The following C1QTNF7 variants were observed in gnomAD, a reference collection of about 807,000 sequenced individuals.
C1QTNF7 encodes the protein complement C1q tumor necrosis factor-related protein 7.
C1QTNF7 carries 15 observed loss-of-function variants against 19.6 expected under a neutral mutation model. That is an observed-to-expected ratio of 0.76 (90% CI 0.51 to 1.18). The LOEUF is 1.18. C1QTNF7 is among the 50% of genes most tolerant of loss of function. The pLI, the probability that C1QTNF7 is intolerant of heterozygous loss-of-function variation, is 0.00. For synonymous variants in C1QTNF7, 142 were observed against 137.5 expected, an observed-to-expected ratio of 1.03 and a Z score of -0.23; for missense variants, 324 against 359.7, an observed-to-expected ratio of 0.90 and a Z score of 0.80.
In C1QTNF7 at chr4:15,406,560, G is replaced by A. The variant is rs574374678; in HGVS notation, c.14-29176G>A. Among the ~76,000 whole-genome samples the A allele has an allele frequency of 3.9e-5, 6 of 152,256 alleles. No homozygotes were observed. The South Asian group carries it at 8.3e-4, about 21-fold the overall frequency. ...GGTGGGGGCTGAGTATGCTGCCAGCGTCAAACTTCCTAATTGGAAAATGAT... is the reference window on the plus strand; with the variant it reads ...GGTGGGGGCTGAGTATGCTGCCAGCATCAAACTTCCTAATTGGAAAATGAT... On this transcript the variant is annotated intron_variant, in intron 1 of 2. Transcript: ENST00000295297.
At chr4:15,427,268 G>A (rs78914520), upstream of C1QTNF7, among the ~76,000 whole-genome samples, 232 of 152,168 alleles carry the variant, frequency 1.5e-3, no homozygotes, top group African/African-American at 3.4e-3. Flanking sequence ...TTTTTCAGTC[G>A]TCTAATTTCC....
chr4:15,409,628 A>G (rs2465500), intron 1 of C1QTNF7, among the ~76,000 whole-genome samples: 144,301 of 152,262 alleles, frequency 0.95, 68,457 homozygotes, highest in East Asian at 1. Flanking sequence ...CAGAATCACC[A>G]GGAGGGTCTC....
chr4:15,358,838 G>A (rs1717238978), intron 1 of C1QTNF7, among the ~76,000 whole-genome samples: 1 of 152,124 alleles, frequency 6.6e-6, no homozygotes, highest in Admixed American at 6.6e-5. Flanking sequence ...AGGAGTGCAA[G>A]GTGAGCCACA....
chr4:15,388,795 G>T (rs1392511722), intron 1 of C1QTNF7, among the ~76,000 whole-genome samples: 1 of 152,168 alleles, frequency 6.6e-6, no homozygotes, highest in African/African-American at 2.4e-5. Flanking sequence ...AAAGTGACAG[G>T]GGATCAGGAG....
At chr4:15,345,162 A>T (rs1417366137) in intron 1 of C1QTNF7, among the ~76,000 whole-genome samples, 1 of 152,242 alleles carries the variant, frequency 6.6e-6, no homozygotes, top group Non-Finnish European at 1.5e-5. Flanking sequence ...CAGGAACTTT[A>T]GTTTCTTACA....
At chr4:15,378,957 CCTTGG>C (rs1718043657) in intron 1 of C1QTNF7, among the ~76,000 whole-genome samples, 1 of 152,210 alleles carries the variant, frequency 6.6e-6, no homozygotes, top group Admixed American at 6.5e-5. Flanking sequence ...GTGGCCAAAT[CCTTGG>C]CTGTAACAAT....
At chr4:15,407,181 A>ATGGTACAGCCCCATTGG (rs1450420910) in intron 1 of C1QTNF7, among the ~76,000 whole-genome samples, 5 of 152,092 alleles carry the variant, frequency 3.3e-5, no homozygotes, top group Non-Finnish European at 7.4e-5. Flanking sequence ...GGTAACACCA[A>ATGGTACAGCCCCATTGG]TGGTACAGCC....
At chr4:15,419,175 C>A (rs1054804239) in intron 1 of C1QTNF7, among the ~76,000 whole-genome samples, 3 of 152,172 alleles carry the variant, frequency 2.0e-5, no homozygotes, top group Non-Finnish European at 1.5e-5. Flanking sequence ...AGCAGTTTGG[C>A]AGCATGTACC....
At chr4:15,383,299 C>T (rs1336231632) in intron 1 of C1QTNF7, among the ~76,000 whole-genome samples, 1 of 152,132 alleles carries the variant, frequency 6.6e-6, no homozygotes, top group East Asian at 1.9e-4. Context: ...AGGTTCAGGG[C>T]AGAGGGAGGT....
In C1QTNF7 at chr4:15,369,923, C is replaced by T. The variant is rs764119746; in HGVS notation, c.13+29716C>T. On this transcript the variant is annotated intron_variant, in intron 1 of 2. Coordinates refer to the C1QTNF7 transcript ENST00000295297. Reference sequence around the variant, plus strand: ...AATAGCATCAGGTAGAGATTTAAGACAAGAAATTAAAGTCTTAAAGAGCCA... The same window carrying T: ...AATAGCATCAGGTAGAGATTTAAGATAAGAAATTAAAGTCTTAAAGAGCCA... Among the ~76,000 whole-genome samples the T allele has an allele frequency of 4.6e-5, 7 of 152,058 alleles. No individual in the cohort carries two copies. In the East Asian group the frequency reaches 1.2e-3, roughly 25 times the overall value.
chr4:15,375,760 C>A (rs1181382536), intron 1 of C1QTNF7, among the ~76,000 whole-genome samples: 2 of 152,124 alleles, frequency 1.3e-5, no homozygotes, highest in Non-Finnish European at 2.9e-5. Flanking sequence ...AATAAGACCC[C>A]ACACCCTCAG....
chr4:15,413,932 T>C (rs1274509454), intron 1 of C1QTNF7, among the ~76,000 whole-genome samples: 1 of 152,230 alleles, frequency 6.6e-6, no homozygotes, highest in Non-Finnish European at 1.5e-5. Flanking sequence ...AGAAACAGTA[T>C]TTTTTCTTTC....
intron 1 of C1QTNF7, among the ~76,000 whole-genome samples, chr4:15,405,124 T>A (rs1719144779): frequency 6.6e-6 from 1 of 152,204 alleles, no homozygotes; most frequent in African/African-American, 2.4e-5. Flanking sequence ...TAACAGGAAG[T>A]CAGGGGGTCC....
chr4:15,396,413 C>A (rs1237871690), intron 1 of C1QTNF7, among the ~76,000 whole-genome samples: 1 of 152,076 alleles, frequency 6.6e-6, no homozygotes, highest in African/African-American at 2.4e-5. Flanking sequence ...GGAGGTCAGG[C>A]GAAGTAGTAC....
intron 1 of C1QTNF7, among the ~76,000 whole-genome samples, chr4:15,409,734 C>T (rs1719336610): frequency 6.6e-6 from 1 of 152,112 alleles, no homozygotes; most frequent in African/African-American, 2.4e-5. Context: ...CAATGAGACA[C>T]CCTGGGCTTG....
chr4:15,353,077 T>C (rs1196416514), intron 1 of C1QTNF7, among the ~76,000 whole-genome samples: 1 of 152,178 alleles, frequency 6.6e-6, no homozygotes, highest in Admixed American at 6.6e-5. Context: ...TGATTTCCAT[T>C]TGGTCTGCAG....
At chr4:15,361,251 T>C (rs1190135654) in intron 1 of C1QTNF7, 1 of 152,020 alleles carries the variant, frequency 6.6e-6, no homozygotes, top group Admixed American at 6.6e-5. Context: ...TTTATACCCC[T>C]GTTTTCCATC....
chr4:15,428,953 A>C (rs1712181948), intron 1 of C1QTNF7, among the ~76,000 whole-genome samples: 2 of 152,250 alleles, frequency 1.3e-5, no homozygotes. Flanking sequence ...AATATGTTAT[A>C]GTTTCCCTCA....
At chr4:15,402,477 A>C (rs751152037) in intron 1 of C1QTNF7, among the ~76,000 whole-genome samples, 3 of 152,250 alleles carry the variant, frequency 2.0e-5, no homozygotes, top group Non-Finnish European at 4.4e-5. Flanking sequence ...TACAAAACCG[A>C]ATCAAGACTA....
Sources: gnomAD v4.1 joint callset for allele counts (sites outside exome capture counted in the v4.1 genomes callset) on GRCh38, gnomAD v4.1.1 for gene constraint, MANE v1.5 for transcripts, NCBI Gene and HGNC (gene_info 2026-07-23, HGNC 2026-07-21) for gene names.